The following BACE2 variants were observed in gnomAD, a reference collection of about 807,000 sequenced individuals.
BACE2 encodes beta-secretase 2.
In BACE2, 17 loss-of-function variants were observed where a neutral mutation model predicts 46.2. The ratio of observed to expected loss-of-function variants is 0.37; its 90% CI spans 0.25 to 0.55. The LOEUF is 0.55. Ranked by LOEUF, BACE2 falls within the 20% of genes least tolerant of loss-of-function variation. BACE2 has a pLI of 0.82. For missense variants in BACE2, 595 were observed against 698.1 expected, an observed-to-expected ratio of 0.85 and a Z score of 1.66; for synonymous variants, 277 against 295.9, an observed-to-expected ratio of 0.94 and a Z score of 0.66.
intron 1 of BACE2, among the ~76,000 whole-genome samples, chr21:41,217,294 A>T (rs776866467): frequency 6.6e-6 from 1 of 152,158 alleles, no homozygotes; most frequent in African/African-American, 2.4e-5. Context: ...ACTGTTGTGC[A>T]ATTAGTTATT....
At chr21:41,236,772 C>G (rs1447251223) in intron 2 of BACE2, 3 of 152,256 alleles carry the variant, frequency 2.0e-5, no homozygotes, top group Non-Finnish European at 2.9e-5. Flanking sequence ...GGCACCTACC[C>G]GTGTCACACA....
chr21:41,241,731 T>G lies in BACE2; in HGVS notation c.619-88T>G, dbSNP rs552200437. 9.3e-5 allele frequency: 138 copies of G among 1,479,584 alleles called. No individual in the cohort carries two copies. The African/African-American group carries it at 1.5e-3, about 17-fold the overall frequency. 91.7% of individuals were successfully genotyped at this position (1,479,584 alleles called of 1,614,324 possible). A position where few individuals can be genotyped will look rare whatever the true frequency, so the allele number is the denominator to read the frequency against. Reference sequence around the variant, plus strand: ...AAAAATTGAGTATAAACACCAGGAATGTCTGTGGCGCGTGGCGTCTACACT... The same window carrying G: ...AAAAATTGAGTATAAACACCAGGAAGGTCTGTGGCGCGTGGCGTCTACACT... On this transcript the variant is annotated intron_variant, in intron 3 of 8. Transcript: ENST00000330333.
rs768959890 is a variant in BACE2 at position 41,250,819 on chromosome 21, C to G, written c.1052C>G (p.Pro351Arg). The change falls in exon 7 of 9, where the codon CCT becomes CGT. Residue 351 changes from proline (P) to arginine (R), a missense_variant. By Grantham distance (103) the Pro-to-Arg change is moderately radical. Around this residue, in one of 3 missense-constraint regions of BACE2, gnomAD observed 343 missense variants for 419.4 expected, o/e 0.82. Transcript: ENST00000330333. Reference protein sequence around the residue: ...QLACWTNSETPWSYFPKISIY... With the variant: ...QLACWTNSETRWSYFPKISIY... Reference sequence around the variant, plus strand: ...GCGTGCTGGACGAATTCGGAAACACCTTGGTCTTACTTCCCTAAAATCTCC... The same window carrying G: ...GCGTGCTGGACGAATTCGGAAACACGTTGGTCTTACTTCCCTAAAATCTCC... The G allele has an allele frequency of 5.0e-6, 8 of 1,614,064 alleles. No individual in the cohort carries two copies. In the East Asian group the frequency reaches 1.8e-4, roughly 36 times the overall value.
intron 1 of BACE2, among the ~76,000 whole-genome samples, chr21:41,213,678 G>T: frequency 6.6e-6 from 1 of 152,198 alleles, no homozygotes; most frequent in Middle Eastern, 3.4e-3. Flanking sequence ...GAAAGCTGAG[G>T]CAGGAGAGTC....
intron 2 of BACE2, chr21:41,236,674 G>A (rs1275411380): frequency 4.6e-5 from 7 of 152,250 alleles, no homozygotes; most frequent in Non-Finnish European, 2.9e-5. Context: ...GGTAGGGCTT[G>A]GTCATTATTT....
chr21:41,241,127 C>G (rs1987274342), intron 3 of BACE2, among the ~76,000 whole-genome samples: 1 of 152,154 alleles, frequency 6.6e-6, no homozygotes. Context: ...TACGGACCTT[C>G]CCGCTTCCCT....
intron 1 of BACE2, among the ~76,000 whole-genome samples, chr21:41,208,378 G>T (rs1475484784): frequency 5.3e-5 from 8 of 152,216 alleles, no homozygotes; most frequent in Non-Finnish European, 1.2e-4. Flanking sequence ...TTCTGGGGGT[G>T]GGAGAGGGCA....
At chr21:41,233,009 C>T (rs866407331) in intron 2 of BACE2, among the ~76,000 whole-genome samples, 41 of 152,058 alleles carry the variant, frequency 2.7e-4, no homozygotes, top group African/African-American at 8.4e-4. Flanking sequence ...GCTGGGACTA[C>T]AGGCGCCCGC....
rs2088545023 is a variant in BACE2 at position 41,281,242 on chromosome 21, G to C, written c.*5618G>C. Reference sequence around the variant, plus strand: ...ACGTGTGCCTCACACATAGCCATCTGAGTAAAATATTTTTTCCAATGTAGA... The same window carrying C: ...ACGTGTGCCTCACACATAGCCATCTCAGTAAAATATTTTTTCCAATGTAGA... On this transcript the variant is annotated 3_prime_UTR_variant, in exon 9 of 9. Transcript: ENST00000330333. 1 of 152,212 alleles carries C rather than the reference G, an allele frequency of 6.6e-6. No homozygotes were observed. The highest frequency in any genetic ancestry group is 2.1e-4 in the South Asian group (1 of 4,830). 9.4% of individuals were successfully genotyped at this position (152,212 alleles called of 1,614,324 possible). A position where few individuals can be genotyped will look rare whatever the true frequency, so the allele number is the denominator to read the frequency against.
chr21:41,237,595 C>T lies in BACE2; in HGVS notation c.484C>T (p.Leu162Phe), dbSNP rs2123594906. The change falls in exon 3 of 9, where the codon CTC (leucine) becomes TTC (phenylalanine). Residue 162 changes from leucine to phenylalanine, a missense_variant. By Grantham distance (22) the Leu-to-Phe change is conservative (BLOSUM62 0). Around this residue, in one of 3 missense-constraint regions of BACE2, gnomAD observed 248 missense variants for 261.4 expected, o/e 0.95. Coordinates refer to ENST00000330333, the MANE Select transcript of BACE2 (RefSeq NM_012105.5). ...CTGGACGGGCTTCGTTGGGGAAGAC[C>T]TCGTCACCATCCCCAAAGGCTTCAA... is the stretch of plus-strand genomic sequence containing the variant. ...GSWTGFVGED[L>F]VTIPKGFNTS... 6.2e-7 allele frequency: 1 copy of T among 1,614,186 alleles called. No individual in the cohort carries two copies. The highest frequency in any genetic ancestry group is 8.5e-7 in the Non-Finnish European group (1 of 1,180,006).
rs1165971690 is a variant in BACE2, at chr21:41,277,618, T to C, written c.*1994T>C. On this transcript the variant is annotated 3_prime_UTR_variant, in exon 9 of 9. Coordinates refer to ENST00000330333, the MANE Select transcript of BACE2 (RefSeq NM_012105.5). ...CTGTGAAAAATTCAAAGCCCTGAAA[T>C]AAGAGGAGGGAATCGCAGACATGCC... 6.6e-6 allele frequency: 1 copy of C among 152,306 alleles called. No homozygotes were observed. Among genetic ancestry groups the C allele is most frequent in the East Asian group, 1.9e-4 (1 of 5,190 alleles). The allele number at this position is 152,306 out of a possible 1,614,324, so 9.4% of individuals were successfully genotyped here. A position where few individuals can be genotyped will look rare whatever the true frequency, so the allele number is the denominator to read the frequency against.
chr21:41,222,507 G>A (rs1986689413), intron 1 of BACE2, among the ~76,000 whole-genome samples: 1 of 152,264 alleles, frequency 6.6e-6, no homozygotes, highest in South Asian at 2.1e-4. Context: ...GATGTCTGGG[G>A]CTTTCACGGA....
At chr21:41,184,593 G>A in intron 1 of BACE2, 1 of 167,218 alleles carries the variant, frequency 6.0e-6, no homozygotes. Context: ...CCCACTCCTG[G>A]TGTACTGGTT....
intron 1 of BACE2, among the ~76,000 whole-genome samples, chr21:41,186,972 G>A (rs59789745): frequency 0.024 from 3,593 of 152,338 alleles, 153 homozygotes; most frequent in African/African-American, 0.077. Flanking sequence ...ATGGCATGCT[G>A]GTGGGTGTGT....
At position 41,275,613 on chromosome 21, in the gene BACE2, C is replaced by T. The variant is rs1310970544; in HGVS notation, c.1546C>T (p.Arg516Cys). Residue 516 changes from arginine (R) to cysteine (C), a missense_variant, in exon 9 of 9, where the codon CGC (arginine) becomes TGC (cysteine). Arg to Cys is a radical substitution (Grantham distance 180, BLOSUM62 -3). Coordinates refer to ENST00000330333, the MANE Select transcript of BACE2 (RefSeq NM_012105.5). ...TGATGAGTCCTCTCTGGTCAGACAT[C>T]GCTGGAAATGAATAGCCAGGCCTGA... Reference protein sequence around the residue: ...VNDESSLVRHRWK With the variant: ...VNDESSLVRHCWK 4.3e-6 allele frequency: 7 copies of T among 1,613,742 alleles called. No homozygotes were observed. Among genetic ancestry groups the T allele is most frequent in the Non-Finnish European group, 5.9e-6 (7 of 1,179,970 alleles).
chr21:41,212,886 T>C (rs1445459523), intron 1 of BACE2, among the ~76,000 whole-genome samples: 2 of 152,256 alleles, frequency 1.3e-5, no homozygotes, highest in East Asian at 3.8e-4. Context: ...TTTGTGGTTA[T>C]TTATATAGCA....
chr21:41,263,009 A>G (rs1158695465), intron 8 of BACE2, among the ~76,000 whole-genome samples: 1 of 152,130 alleles, frequency 6.6e-6, no homozygotes, highest in African/African-American at 2.4e-5. Context: ...CTGAGACAAT[A>G]TTGAATACAA....
chr21:41,230,781 C>T (rs1190206640), intron 2 of BACE2, among the ~76,000 whole-genome samples: 2 of 152,004 alleles, frequency 1.3e-5, no homozygotes, highest in Non-Finnish European at 2.9e-5. Context: ...TATCAGAATC[C>T]ATCTTTTCAT....
At chr21:41,250,691 G>C (rs1987610945) in intron 6 of BACE2, 61 bp from the exon 7 acceptor site, 1 of 1,540,990 alleles carries the variant, frequency 6.5e-7, no homozygotes, top group South Asian at 1.1e-5. Context: ...AAAGCCTGGA[G>C]CTGTTTCCTG....
Sources: allele counts gnomAD v4.1 joint callset (sites outside exome capture counted in the v4.1 genomes callset), GRCh38; gene constraint gnomAD v4.1.1; regional missense constraint gnomAD v4.1.1; transcripts MANE v1.5; gene names NCBI Gene and HGNC (gene_info 2026-07-23, HGNC 2026-07-21).